The following CCT7 variants were observed in gnomAD, a reference collection of about 807,000 sequenced individuals.
CCT7 encodes T-complex protein 1 subunit eta.
Under a neutral mutation model 56.6 loss-of-function variants are expected in CCT7, and 16 were observed. The ratio of observed to expected loss-of-function variants is 0.28; its 90% CI spans 0.19 to 0.43. The LOEUF (loss-of-function observed/expected upper bound fraction) is 0.43, where lower values mean the gene tolerates loss of function less well. CCT7 is among the 20% of genes least tolerant of loss of function. The pLI, the probability that CCT7 is intolerant of heterozygous loss-of-function variation, is 1.00. For synonymous variants in CCT7, 262 were observed against 254.8 expected, an observed-to-expected ratio of 1.03 and a Z score of -0.27; for missense variants, 519 against 685.6, an observed-to-expected ratio of 0.76 and a Z score of 2.71.
intron 6 of CCT7, among the ~76,000 whole-genome samples, 162 bp from the exon 7 acceptor site, chr2:73,247,600 T>C (rs546762365): frequency 1.3e-5 from 2 of 151,930 alleles, no homozygotes; most frequent in Non-Finnish European, 2.9e-5. Context: ...AAAGGATTTG[T>C]CTTCGATTTT....
At chr2:73,249,752 G>A in intron 8 of CCT7, 67 bp from the exon 9 acceptor site, 4 of 1,065,972 alleles carry the variant, frequency 3.8e-6, no homozygotes, top group Non-Finnish European at 5.9e-6. Context: ...GCTTTGAGAC[G>A]AGGTGGCAGG....
At chr2:73,251,476 G>A (rs755995683) in intron 11 of CCT7, 44 bp downstream of exon 11, 3 of 1,296,730 alleles carry the variant, frequency 2.3e-6, no homozygotes, top group Non-Finnish European at 1.1e-6. Context: ...GGGCGGGTGG[G>A]GCTAGATTCT....
chr2:73,242,605 G>A (rs115040530), intron 3 of CCT7, among the ~76,000 whole-genome samples: 234 of 152,292 alleles, frequency 1.5e-3, no homozygotes, highest in African/African-American at 5.4e-3. Context: ...AACAATGTTT[G>A]TCTCTTGCTT....
At position 73,247,819 on chromosome 2, in the gene CCT7, G is replaced by C; in HGVS notation, c.676G>C (p.Glu226Gln). The C allele has an allele frequency of 6.2e-7, 1 of 1,614,050 alleles. No homozygotes were observed. The highest frequency in any genetic ancestry group is 8.5e-7 in the Non-Finnish European group (1 of 1,179,928). ...GAAGACTTTCTCTTACGCTGGGTTTGAAATGCAACCCAAAAAGTACCACAA... is the reference window on the plus strand; with the variant it reads ...GAAGACTTTCTCTTACGCTGGGTTTCAAATGCAACCCAAAAAGTACCACAA... ...FKKTFSYAGFEMQPKKYHNPK... is the reference protein window; with the variant it reads ...FKKTFSYAGFQMQPKKYHNPK... Residue 226 changes from glutamate (E) to glutamine (Q), a missense_variant, in exon 7 of 12, where the codon GAA becomes CAA. Glu to Gln is a conservative substitution (Grantham distance 29). This residue lies in a region of CCT7 where 276 missense variants were observed against 357.3 expected (regional missense o/e 0.77). Coordinates refer to ENST00000258091, the MANE Select transcript of CCT7 (RefSeq NM_006429.4).
intron 4 of CCT7, chr2:73,243,755 T>C (rs1687214473): frequency 4.1e-6 from 2 of 482,008 alleles, no homozygotes; most frequent in African/African-American, 3.9e-5. Flanking sequence ...GAGCAAAATC[T>C]TGGAAGCACC....
rs140386533 is a variant in CCT7, at chr2:73,241,901, C to T, written c.268-1103C>T. The stretch of plus-strand genomic sequence containing the variant: ...GATTGCAGGCACCCACCACCACGCC[C>T]GGGTAATTTTTGTATTTTTGGTAGA... On this transcript the variant is annotated intron_variant, in intron 3 of 11. Coordinates refer to ENST00000258091, the MANE Select transcript of CCT7 (RefSeq NM_006429.4). Among the ~76,000 whole-genome samples the T allele has an allele frequency of 6.4e-3, 969 of 151,880 alleles. 7 individuals are homozygous for T. The highest frequency in any genetic ancestry group is 0.023 in the African/African-American group (934 of 41,418).
intron 8 of CCT7, 29 bp from the exon 9 acceptor site, chr2:73,249,790 T>A (rs761511929): frequency 6.5e-7 from 1 of 1,527,296 alleles, no homozygotes; most frequent in Non-Finnish European, 9.1e-7. Context: ...GAACCTTCAC[T>A]GCTAGATCTT....
chr2:73,242,343 G>A (rs1036432674), intron 3 of CCT7, among the ~76,000 whole-genome samples: 8 of 152,100 alleles, frequency 5.3e-5, no homozygotes, highest in Non-Finnish European at 1.2e-4. Flanking sequence ...GCTGTGGTGC[G>A]ATCTTGGCTC....
At chr2:73,246,082 C>T (rs927734826) in intron 6 of CCT7, among the ~76,000 whole-genome samples, 14 of 152,294 alleles carry the variant, frequency 9.2e-5, no homozygotes, top group East Asian at 1.9e-4. Flanking sequence ...GCCACACTTG[C>T]GTTTTTCCGA....
At chr2:73,252,558 C>G in intron 11 of CCT7, 82 bp from the exon 12 acceptor site, 2 of 1,052,754 alleles carry the variant, frequency 1.9e-6, no homozygotes, top group South Asian at 2.8e-5. Context: ...GGGTTCCTAG[C>G]AGTGTCTTTT....
intron 7 of CCT7, 87 bp downstream of exon 7, chr2:73,248,013 C>T: frequency 8.8e-7 from 1 of 1,132,446 alleles, no homozygotes; most frequent in Admixed American, 2.1e-5. Context: ...TTGTGGGCCC[C>T]TTTCTCTTCC....
intron 11 of CCT7, 149 bp from the exon 12 acceptor site, chr2:73,252,491 G>C: frequency 1.6e-6 from 1 of 644,230 alleles, no homozygotes; most frequent in Non-Finnish European, 2.8e-6. Context: ...TTCCTGGCAT[G>C]CTCATAGGAA....
intron 3 of CCT7, among the ~76,000 whole-genome samples, chr2:73,242,119 CTT>C (rs113462777): frequency 2.6e-4 from 37 of 143,316 alleles, no homozygotes; most frequent in Non-Finnish European, 2.2e-4. Context: ...TGAAAGTTAC[CTT>C]TTTTTTTTTT....
intron 1 of CCT7, among the ~76,000 whole-genome samples, chr2:73,236,886 T>G (rs572881068): frequency 1.1e-4 from 16 of 152,328 alleles, no homozygotes; most frequent in Middle Eastern, 6.8e-3. Flanking sequence ...GGTTAGCTGC[T>G]TCCAAGCTCT....
At position 73,241,112 on chromosome 2, in the gene CCT7, A is replaced by G. The variant is rs149905721; in HGVS notation, c.267+569A>G. On this transcript the variant is annotated intron_variant, in intron 3 of 11. Coordinates refer to ENST00000258091, the MANE Select transcript of CCT7 (RefSeq NM_006429.4). ...AATACCATGTTTAAGTGTATAATTC[A>G]TGGCATTAACCAGTCTATCTTTTAA... Among the ~76,000 whole-genome samples the G allele has an allele frequency of 5.9e-3, 894 of 150,282 alleles. 8 individuals carry two copies. The highest frequency in any genetic ancestry group is 0.01 in the Middle Eastern group (3 of 290).
rs754549560 is a variant in CCT7, at chr2:73,243,082, T to G, written c.346T>G (p.Leu116Val). 2.5e-6 allele frequency: 4 copies of G among 1,613,934 alleles called. No homozygotes were observed. In the South Asian group the frequency reaches 4.4e-5, roughly 18 times the overall value. Residue 116 changes from leucine (L) to valine (V), a missense_variant, in exon 4 of 12, where the codon TTA (leucine) becomes GTA (valine). Leu to Val is a conservative substitution (Grantham distance 32, BLOSUM62 1). Around this residue, in one of 3 missense-constraint regions of CCT7, gnomAD observed 276 missense variants for 357.3 expected, o/e 0.77. Transcript: ENST00000258091. Reference protein sequence around the residue: ...KQVKPYVEEGLHPQIIIRAFR... With the variant: ...KQVKPYVEEGVHPQIIIRAFR... ...GGTGAAACCCTATGTGGAGGAAGGTTTACACCCCCAGATCATCATTCGAGC... is the reference window on the plus strand; with the variant it reads ...GGTGAAACCCTATGTGGAGGAAGGTGTACACCCCCAGATCATCATTCGAGC...
intron 1 of CCT7, among the ~76,000 whole-genome samples, chr2:73,236,971 A>G (rs926329038): frequency 2.0e-5 from 3 of 152,248 alleles, no homozygotes; most frequent in African/African-American, 4.8e-5. Flanking sequence ...CCAAAAGTCA[A>G]GAAGCCAGTG....
At position 73,253,003 on chromosome 2, in the gene CCT7, TC is replaced by T. The variant is rs921708084; in HGVS notation, c.*143del. On this transcript the variant is annotated 3_prime_UTR_variant, in exon 12 of 12. Transcript: ENST00000258091. Reference sequence around the variant, plus strand: ...GGCTATTTAAATAAAATGTAAGACTTCAGATAACTTTGTAAATTATTTTGGC... The same window carrying T: ...GGCTATTTAAATAAAATGTAAGACTTAGATAACTTTGTAAATTATTTTGGC... 13 of 629,802 alleles carry T rather than the reference TC, an allele frequency of 2.1e-5. No homozygotes were observed. The highest frequency in any genetic ancestry group is 1.8e-4 in the Admixed American group (6 of 32,948). The allele number at this position is 629,802 out of a possible 1,614,324, so 39.0% of individuals were successfully genotyped here. A position where few individuals can be genotyped will look rare whatever the true frequency, so the allele number is the denominator to read the frequency against.
At position 73,240,550 on chromosome 2, in the gene CCT7, A is replaced by C. The variant is rs761597834; in HGVS notation, c.267+7A>C. 1 of 636,672 alleles carries C rather than the reference A, an allele frequency of 1.6e-6. No individual in the cohort carries two copies. The highest frequency in any genetic ancestry group is 5.8e-5 in the East Asian group (1 of 17,162). 39.4% of individuals were successfully genotyped at this position (636,672 alleles called of 1,614,324 possible). ...CAAATCCCAAGATGCTGAGGTAGGA[A>C]AATAGTTGTGTGTTTAAATGGAGGT... On this transcript the variant is annotated splice_region_variant and intron_variant, in intron 3 of 11. Transcript: ENST00000258091.
Sources: gnomAD v4.1 joint callset for allele counts (sites outside exome capture counted in the v4.1 genomes callset) on GRCh38, gnomAD v4.1.1 for gene constraint, gnomAD v4.1.1 regional missense constraint, MANE v1.5 for transcripts, NCBI Gene and HGNC (gene_info 2026-07-23, HGNC 2026-07-21) for gene names.